The following TNPO3 variants were observed in gnomAD, a reference collection of about 807,000 sequenced individuals.
TNPO3 encodes transportin-3.
A neutral mutation model predicts 122.8 loss-of-function variants in TNPO3; 65 were observed. That is an observed-to-expected ratio of 0.53 (90% CI 0.43 to 0.65). The LOEUF (loss-of-function observed/expected upper bound fraction) is 0.65, where lower values mean the gene tolerates loss of function less well. TNPO3 is among the 30% of genes least tolerant of loss of function. TNPO3 has a pLI of 0.00. For synonymous variants in TNPO3, 372 were observed against 411.2 expected, an observed-to-expected ratio of 0.90 and a Z score of 1.15; for missense variants, 850 against 1,136.7, an observed-to-expected ratio of 0.75 and a Z score of 3.63.
intron 22 of TNPO3, among the ~76,000 whole-genome samples, chr7:128,955,891 GC>G (rs370213417): frequency 1.9e-4 from 29 of 152,200 alleles, no homozygotes; most frequent in African/African-American, 6.8e-4. Flanking sequence ...GTGAATTCTG[GC>G]TCCACGAATA....
At chr7:129,001,257 G>C in intron 5 of TNPO3, 23 bp from the exon 6 acceptor site, 1 of 1,585,938 alleles carries the variant, frequency 6.3e-7, no homozygotes, top group Non-Finnish European at 8.6e-7. Context: ...CAGGAATAGG[G>C]AAGCAAGAAG....
intron 1 of TNPO3, chr7:129,030,212 A>G: frequency 5.2e-6 from 1 of 191,446 alleles, no homozygotes; most frequent in Non-Finnish European, 1.1e-5. Context: ...TTATTCATCC[A>G]GTATATGGGA....
At chr7:128,986,708 T>C (rs1800196473) in intron 12 of TNPO3, 21 bp downstream of exon 12, 4 of 1,596,230 alleles carry the variant, frequency 2.5e-6, no homozygotes, top group East Asian at 2.2e-5. Context: ...TGACTATTAG[T>C]GGTTAACATC....
At chr7:128,957,351 G>A in intron 21 of TNPO3, 36 bp from the exon 22 acceptor site, 1 of 1,609,056 alleles carries the variant, frequency 6.2e-7, no homozygotes, top group South Asian at 1.1e-5. Context: ...CTTGACTGAG[G>A]AGAAAGACAG....
At chr7:129,025,387 A>AAAAAAAAAAAAAAAAAC in intron 1 of TNPO3, among the ~76,000 whole-genome samples, 3 of 126,908 alleles carry the variant, frequency 2.4e-5, no homozygotes, top group African/African-American at 8.6e-5. Flanking sequence ...AAAAAAAAAA[A>AAAAAAAAAAAAAAAAAC]AAAAAAAAAA....
At chr7:128,999,492 G>A (rs1801691276) in intron 7 of TNPO3, among the ~76,000 whole-genome samples, 2 of 152,152 alleles carry the variant, frequency 1.3e-5, no homozygotes, top group African/African-American at 4.8e-5. Context: ...AAAACAGGCC[G>A]AGAGTCACAG....
At chr7:129,001,728 A>T (rs1188987509) in intron 5 of TNPO3, among the ~76,000 whole-genome samples, 1 of 152,196 alleles carries the variant, frequency 6.6e-6, no homozygotes, top group Non-Finnish European at 1.5e-5. Flanking sequence ...AACATCCATC[A>T]ATCTTCCCAA....
intron 1 of TNPO3, among the ~76,000 whole-genome samples, chr7:129,052,247 A>T (rs1008059134): frequency 1.3e-5 from 2 of 152,188 alleles, no homozygotes; most frequent in Admixed American, 1.3e-4. Context: ...AGAAATTAAG[A>T]GAACAGGGTC....
intron 20 of TNPO3, among the ~76,000 whole-genome samples, chr7:128,968,569 T>C (rs1375727416): frequency 1.3e-5 from 2 of 152,216 alleles, no homozygotes; most frequent in South Asian, 2.1e-4. Flanking sequence ...TTTTACATTA[T>C]ATATTTTCCC....
At chr7:128,993,115 C>CA (rs1449617790) in intron 9 of TNPO3, among the ~76,000 whole-genome samples, 1 of 137,474 alleles carries the variant, frequency 7.3e-6, no homozygotes, top group African/African-American at 2.8e-5. Flanking sequence ...CCCAAATATA[C>CA]AAAAAATGAC....
Position 128,982,312 on chromosome 7 carries a change from C to A in TNPO3, c.1795G>T (p.Glu599Ter). ...VMALKKLLSQ[E>*]PSNGISSDPT... ...TCTGAGGATATGCCATTGCTGGGCT[C>A]TTGAGACAACAGCTGAAGAGACAAA... Residue 599 changes from glutamate (E) to a stop codon, truncating the protein, a stop_gained, in exon 14 of 23, where the codon GAG becomes TAG. Coordinates refer to ENST00000265388, the MANE Select transcript of TNPO3 (RefSeq NM_012470.4). LOFTEE classifies it high-confidence loss of function. 1 of 1,613,018 alleles carries A rather than the reference C, an allele frequency of 6.2e-7. No individual in the cohort carries two copies. Among genetic ancestry groups the A allele is most frequent in the Non-Finnish European group, 8.5e-7 (1 of 1,179,316 alleles).
chr7:129,015,536 T>C (rs1025306996), intron 3 of TNPO3, among the ~76,000 whole-genome samples: 1 of 152,194 alleles, frequency 6.6e-6, no homozygotes, highest in Non-Finnish European at 1.5e-5. Flanking sequence ...TGGTTGCTTA[T>C]AAAATACAGG....
rs73463068 is a variant in TNPO3, at chr7:129,013,848, T to A, written c.552+1131A>T. 9.7e-3 allele frequency among the ~76,000 whole-genome samples: 1,484 copies of A among 152,290 alleles called. 28 individuals are homozygous for A. Among genetic ancestry groups the A allele is most frequent in the African/African-American group, 0.034 (1,411 of 41,542 alleles). ...TGGACGGCACTGTTAGACATTATGTTAAGTGAAGTAAGCCAGGCACAGAAA... is the reference window on the plus strand; with the variant it reads ...TGGACGGCACTGTTAGACATTATGTAAAGTGAAGTAAGCCAGGCACAGAAA... On this transcript the variant is annotated intron_variant, in intron 4 of 22. Coordinates refer to ENST00000265388, the MANE Select transcript of TNPO3 (RefSeq NM_012470.4).
intron 11 of TNPO3, among the ~76,000 whole-genome samples, chr7:128,989,500 C>A (rs1303006029): frequency 6.6e-6 from 1 of 152,138 alleles, no homozygotes; most frequent in Non-Finnish European, 1.5e-5. Context: ...AATAAGGACA[C>A]CCAGAGGTTA....
Position 128,955,264 on chromosome 7 carries a change from C to T in TNPO3, c.*153G>A. The T allele has an allele frequency of 4.4e-6, 2 of 454,290 alleles. No homozygotes were observed. Among genetic ancestry groups the T allele is most frequent in the Admixed American group, 2.4e-5 (1 of 42,506 alleles). The allele number at this position is 454,290 out of a possible 1,614,324, so 28.1% of individuals were successfully genotyped here. A position where few individuals can be genotyped will look rare whatever the true frequency, so the allele number is the denominator to read the frequency against. ...GGATGGCCTCAGAAGGCTGGAGTCTCTCCCTGTCTGGCGGGACACCCTGGT... is the reference window on the plus strand; with the variant it reads ...GGATGGCCTCAGAAGGCTGGAGTCTTTCCCTGTCTGGCGGGACACCCTGGT... On this transcript the variant is annotated 3_prime_UTR_variant, in exon 23 of 23. Transcript: ENST00000265388.
chr7:128,967,139 C>T, intron 21 of TNPO3, 141 bp downstream of exon 21: 1 of 611,976 alleles, frequency 1.6e-6, no homozygotes, highest in Non-Finnish European at 3.0e-6. Flanking sequence ...TGTTTTCCCA[C>T]CAGATTGGCT....
chr7:129,056,113 C>T (rs1809431069), upstream of TNPO3: 1 of 1,091,356 alleles, frequency 9.2e-7, no homozygotes, highest in Non-Finnish European at 1.4e-6. Flanking sequence ...CAGAACGCGG[C>T]CACTGTGCCT....
intron 18 of TNPO3, among the ~76,000 whole-genome samples, chr7:128,974,414 T>C (rs1219860462): frequency 6.6e-6 from 1 of 151,132 alleles, no homozygotes; most frequent in Non-Finnish European, 1.5e-5. Context: ...AAGTAGGCTG[T>C]GAGTAGAGCT....
rs764566484 is a variant in TNPO3 at position 128,970,205 on chromosome 7, G to C, written c.2541C>G (p.Pro847=). 5.6e-6 allele frequency: 9 copies of C among 1,613,666 alleles called. No individual in the cohort carries two copies. The Admixed American group carries it at 6.7e-5, about 12-fold the overall frequency. The change falls in exon 20 of 23, where the codon CCC becomes CCG. Residue 847 remains proline (P), a synonymous_variant. Transcript: ENST00000265388. ...LLHTCCFCLP[P]YTLPDVAEVL... ...CTTCAGCCACATCTGGTAGGGTATA[G>C]GGGGGGAGGCAAAAGCAGCAGGTGT...
Sources: allele counts gnomAD v4.1 joint callset (sites outside exome capture counted in the v4.1 genomes callset), GRCh38; gene constraint gnomAD v4.1.1; transcripts MANE v1.5; gene names NCBI Gene and HGNC (gene_info 2026-07-23, HGNC 2026-07-21).